The following AP3B2 variants were observed in gnomAD, a reference collection of about 807,000 sequenced individuals.
AP3B2 encodes the protein AP-3 complex subunit beta-2.
Under a neutral mutation model 126.9 loss-of-function variants are expected in AP3B2, and 50 were observed. That is an observed-to-expected ratio of 0.39 (90% CI 0.31 to 0.50). The LOEUF (loss-of-function observed/expected upper bound fraction) is 0.50. AP3B2 is among the 20% of genes least tolerant of loss of function. The probability of loss-of-function intolerance (pLI) is 0.79; values close to 1 mark genes in which losing one functional copy is unlikely to be tolerated. For synonymous variants in AP3B2, 541 were observed against 565.0 expected, an observed-to-expected ratio of 0.96 and a Z score of 0.60; for missense variants, 1,177 against 1,426.4, an observed-to-expected ratio of 0.83 and a Z score of 2.82.
At position 82,677,678 on chromosome 15, in the gene AP3B2, G is replaced by A. The variant is rs1277478651; in HGVS notation, c.1371C>T (p.Asn457=). Residue 457 remains asparagine (N), a synonymous_variant, in exon 12 of 27, where the codon AAC becomes AAT. Coordinates refer to ENST00000535359, the MANE Select transcript of AP3B2 (RefSeq NM_001278512.2). ...ACTCAGGGAAACACTGACCATCACG[G>A]TTGGACAGCAGCTGCACCAGGCCAT... The part of the protein sequence containing the change: ...CLNGLVQLLS[N]RDELVVAESV... 2 of 1,555,920 alleles carry A rather than the reference G, an allele frequency of 1.3e-6. No homozygotes were observed. The highest frequency in any genetic ancestry group is 1.9e-5 in the Admixed American group (1 of 51,450).
At chr15:82,673,589 AAAG>A (rs1453442569) in intron 14 of AP3B2, among the ~76,000 whole-genome samples, 15 of 152,250 alleles carry the variant, frequency 9.9e-5, no homozygotes, top group African/African-American at 2.9e-4. Flanking sequence ...AAAGCATTGA[AAAG>A]AAGCAGAAAA....
intron 1 of AP3B2, among the ~76,000 whole-genome samples, chr15:82,693,744 A>G (rs2151454529): frequency 6.6e-6 from 1 of 152,324 alleles, no homozygotes; most frequent in Admixed American, 6.5e-5. Context: ...CTTGTTGCCC[A>G]GGCTGGAGTG....
chr15:82,705,962 T>G (rs1425764890), intron 1 of AP3B2, among the ~76,000 whole-genome samples: 3 of 152,204 alleles, frequency 2.0e-5, no homozygotes, highest in Non-Finnish European at 4.4e-5. Context: ...TAGGTCTCCC[T>G]AATTCATCCC....
In AP3B2 at chr15:82,662,509, G is replaced by A. The variant is rs186834024; in HGVS notation, c.2833+185C>T. The stretch of plus-strand genomic sequence containing the variant: ...AAATCTGCTGCTGCAAGCACCTCCC[G>A]CCCTGATGTGAACTTGCTTATTTCA... On this transcript the variant is annotated intron_variant, in intron 23 of 26. Coordinates refer to ENST00000535359, the MANE Select transcript of AP3B2 (RefSeq NM_001278512.2). 3.8e-3 allele frequency: 2,666 copies of A among 696,078 alleles called. 12 individuals carry two copies. The highest frequency in any genetic ancestry group is 4.3e-3 in the Non-Finnish European group (1,802 of 418,464). 43.1% of individuals were successfully genotyped at this position (696,078 alleles called of 1,614,324 possible).
chr15:82,670,769 T>C lies in AP3B2; in HGVS notation c.1666-3836A>G, dbSNP rs147619842. Among the ~76,000 whole-genome samples, 574 of 151,842 alleles carry C rather than the reference T, an allele frequency of 3.8e-3. 5 individuals are homozygous for C. Among genetic ancestry groups the C allele is most frequent in the Middle Eastern group, 6.8e-3 (2 of 294 alleles). On this transcript the variant is annotated intron_variant, in intron 14 of 26. Transcript: ENST00000535359. Reference sequence around the variant, plus strand: ...ATCAACAAAGAGACAAGCCACAGAATAGGAGGAAAAAATTTGCAAACTACC... The same window carrying C: ...ATCAACAAAGAGACAAGCCACAGAACAGGAGGAAAAAATTTGCAAACTACC...
chr15:82,688,636 G>T, intron 4 of AP3B2, 100 bp downstream of exon 4: 1 of 1,137,474 alleles, frequency 8.8e-7, no homozygotes. Context: ...GAAGGGGTCT[G>T]CAGAGCCCGC....
intron 1 of AP3B2, among the ~76,000 whole-genome samples, chr15:82,693,790 T>A: frequency 6.6e-6 from 1 of 151,974 alleles, no homozygotes; most frequent in Non-Finnish European, 1.5e-5. Context: ...AACCTCCACC[T>A]CCTGGGTTCA....
At chr15:82,668,863 G>A (rs1484554221) in intron 14 of AP3B2, among the ~76,000 whole-genome samples, 1 of 152,216 alleles carries the variant, frequency 6.6e-6, no homozygotes, top group East Asian at 1.9e-4. Context: ...TGTCAGAGAG[G>A]AATTTTAAGC....
At chr15:82,672,323 T>C (rs1396047214) in intron 14 of AP3B2, among the ~76,000 whole-genome samples, 1 of 152,180 alleles carries the variant, frequency 6.6e-6, no homozygotes, top group Non-Finnish European at 1.5e-5. Flanking sequence ...TGGATAGAAC[T>C]AGAGGTCATT....
intron 1 of AP3B2, 110 bp from the exon 2 acceptor site, chr15:82,689,563 A>T: frequency 9.9e-7 from 1 of 1,005,064 alleles, no homozygotes; most frequent in Non-Finnish European, 1.5e-6. Context: ...CTCAGGCAGG[A>T]CCTGACCCGA....
chr15:82,684,275 AGCTAGATCTTCTGGACAACTTGCT>A (rs1016637894), intron 4 of AP3B2, among the ~76,000 whole-genome samples: 2 of 152,224 alleles, frequency 1.3e-5, no homozygotes, highest in African/African-American at 4.8e-5. Context: ...CAATGATCTT[AGCTAGATCTTCTGGACAACTTGCT>A]GCAGCTTCTC....
intron 3 of AP3B2, 123 bp downstream of exon 3, chr15:82,689,035 G>A: frequency 8.5e-7 from 1 of 1,178,130 alleles, no homozygotes; most frequent in Non-Finnish European, 1.2e-6. Flanking sequence ...TCTTCTCCTG[G>A]CTCAGAGACA....
chr15:82,675,616 TG>T (rs1184484213), intron 14 of AP3B2, among the ~76,000 whole-genome samples: 1 of 152,234 alleles, frequency 6.6e-6, no homozygotes, highest in African/African-American at 2.4e-5. Context: ...TTCTAGGCTT[TG>T]TGGGCAATAC....
At position 82,663,781 on chromosome 15, in the gene AP3B2, C is replaced by T. The variant is rs1450340302; in HGVS notation, c.2436+20G>A. The T allele has an allele frequency of 3.7e-6, 6 of 1,607,650 alleles. No homozygotes were observed. Among genetic ancestry groups the T allele is most frequent in the Non-Finnish European group, 5.1e-6 (6 of 1,176,128 alleles). On this transcript the variant is annotated intron_variant, in intron 20 of 26. Coordinates refer to ENST00000535359, the MANE Select transcript of AP3B2 (RefSeq NM_001278512.2). ...GCCCTGGCCCATGAGCACACCCTGA[C>T]TCTGCCCCAAGGCTCTCACTGTTTT...
intron 1 of AP3B2, chr15:82,699,987 G>T (rs951814507): frequency 2.5e-6 from 1 of 398,036 alleles, no homozygotes; most frequent in Non-Finnish European, 4.4e-6. Flanking sequence ...AGGGAGGGAT[G>T]CTCCGGTTTC....
In AP3B2 at chr15:82,709,727, G is replaced by A; in HGVS notation, c.-21C>T. On this transcript the variant is annotated 5_prime_UTR_variant, in exon 1 of 27. Transcript: ENST00000535359. Reference sequence around the variant, plus strand: ...GACATGGGGCGGCCAGGGAGACTTCGCCGAGGAGGAGGTTGCGGGGCCGGA... The same window carrying A: ...GACATGGGGCGGCCAGGGAGACTTCACCGAGGAGGAGGTTGCGGGGCCGGA... 6.9e-7 allele frequency: 1 copy of A among 1,456,884 alleles called. No individual in the cohort carries two copies. The highest frequency in any genetic ancestry group is 1.3e-5 in the South Asian group (1 of 77,310). The allele number at this position is 1,456,884 out of a possible 1,614,324, so 90.2% of individuals were successfully genotyped here.
chr15:82,693,260 T>C, intron 1 of AP3B2, among the ~76,000 whole-genome samples: 1 of 144,154 alleles, frequency 6.9e-6, no homozygotes, highest in African/African-American at 2.5e-5. Flanking sequence ...ACTTTTTTTT[T>C]TTTTAGATGG....
At chr15:82,679,609 T>G in intron 10 of AP3B2, 120 bp downstream of exon 10, 1 of 921,404 alleles carries the variant, frequency 1.1e-6, no homozygotes, top group Non-Finnish European at 1.7e-6. Context: ...GGGGCAGTCA[T>G]GGGCTCCTGG....
chr15:82,670,592 A>G (rs973662478), intron 14 of AP3B2, among the ~76,000 whole-genome samples: 1 of 152,238 alleles, frequency 6.6e-6, no homozygotes, highest in Non-Finnish European at 1.5e-5. Flanking sequence ...ACTTCAAACT[A>G]TGAAACTAAT....
Sources: allele counts gnomAD v4.1 joint callset (sites outside exome capture counted in the v4.1 genomes callset), GRCh38; gene constraint gnomAD v4.1.1; transcripts MANE v1.5; gene names NCBI Gene and HGNC (gene_info 2026-07-23, HGNC 2026-07-21).